NPSR1: variants seen among roughly 807,000 people sequenced by gnomAD.
The protein encoded by NPSR1 is neuropeptide S receptor.
In NPSR1, 48 loss-of-function variants were observed where a neutral mutation model predicts 46.9. The ratio of observed to expected loss-of-function variants is 1.02; its 90% CI spans 0.81 to 1.30. The LOEUF is 1.30. Ranked by LOEUF, NPSR1 falls within the 50% of genes most tolerant of loss-of-function variation. The pLI, the probability that NPSR1 is intolerant of heterozygous loss-of-function variation, is 0.00. For missense variants in NPSR1, 450 were observed against 449.5 expected (o/e 1.00, Z -0.01); for synonymous variants, 176 against 168.1 (o/e 1.05, Z -0.36).
chr7:34,807,334 T>C (rs1242056713), intron 3 of NPSR1, among the ~76,000 whole-genome samples: 1 of 152,096 alleles, frequency 6.6e-6, no homozygotes, highest in Non-Finnish European at 1.5e-5. Context: ...TATTCTTATG[T>C]TATGAAGTCT....
intron 3 of NPSR1, among the ~76,000 whole-genome samples, chr7:34,805,088 T>C (rs1788629562): frequency 6.6e-6 from 1 of 151,982 alleles, no homozygotes; most frequent in Non-Finnish European, 1.5e-5. Flanking sequence ...AGACTTAATA[T>C]TGTTAAGATG....
At chr7:34,834,264 C>A in intron 5 of NPSR1, 120 bp from the exon 6 acceptor site, 2 of 741,598 alleles carry the variant, frequency 2.7e-6, no homozygotes, top group Admixed American at 1.9e-5. Flanking sequence ...AGGGGGCAGG[C>A]ATGGTTAAAA....
chr7:34,812,139 G>A (rs149649480), intron 4 of NPSR1, among the ~76,000 whole-genome samples: 29 of 152,256 alleles, frequency 1.9e-4, no homozygotes, highest in African/African-American at 6.7e-4. Flanking sequence ...GACCCACTTT[G>A]TGACCATTCA....
intron 4 of NPSR1, among the ~76,000 whole-genome samples, chr7:34,824,483 A>G (rs894827166): frequency 3.9e-5 from 6 of 152,196 alleles, no homozygotes; most frequent in African/African-American, 1.4e-4. Flanking sequence ...CTGGAAGGCC[A>G]TCAGTCTCCC....
chr7:34,754,940 T>C (rs2128725935), intron 2 of NPSR1, among the ~76,000 whole-genome samples: 1 of 151,920 alleles, frequency 6.6e-6, no homozygotes, highest in Non-Finnish European at 1.5e-5. Context: ...GGTTCATTTT[T>C]GTTGTAGCAC....
intron 8 of NPSR1, chr7:34,849,242 C>T (rs1790852537): frequency 2.2e-6 from 2 of 893,688 alleles, no homozygotes; most frequent in East Asian, 5.3e-5. Context: ...TATATCTTGC[C>T]ATTGTTTATT....
chr7:34,689,938 C>T (rs1211711199), intron 2 of NPSR1, among the ~76,000 whole-genome samples: 19 of 149,980 alleles, frequency 1.3e-4, no homozygotes, highest in African/African-American at 4.2e-4. Context: ...AAGTGGGACC[C>T]TGTCTCTAAA....
Position 34,790,714 on chromosome 7 carries a change from A to G in NPSR1, c.384+12149A>G, listed in dbSNP as rs1454301046. On this transcript the variant is annotated intron_variant, in intron 3 of 8. Transcript: ENST00000360581. Reference sequence around the variant, plus strand: ...ATATAATATATGTTCTATGTTATATATAATATATGTTATATGTTATATGTT... The same window carrying G: ...ATATAATATATGTTCTATGTTATATGTAATATATGTTATATGTTATATGTT... Among the ~76,000 whole-genome samples, 3 of 134,082 alleles carry G rather than the reference A, an allele frequency of 2.2e-5. 1 individual carries two copies. The highest frequency in any genetic ancestry group is 8.8e-5 in the African/African-American group (3 of 34,006). 88.0% of individuals were successfully genotyped at this position (134,082 alleles called of 152,430 possible).
rs188991323 is a variant in NPSR1, at chr7:34,870,495, A to G, written c.1026-7581A>G. On this transcript the variant is annotated intron_variant, in intron 8 of 8. Transcript: ENST00000359791. ...GGGATATTTAGGTATAGTAATATGT[A>G]ACATTGAGATTTCCTTTTCTGAGCT... Among the ~76,000 whole-genome samples the G allele has an allele frequency of 1.0e-3, 158 of 151,908 alleles. 3 individuals carry two copies. Among genetic ancestry groups the G allele is most frequent in the African/African-American group, 3.6e-3 (150 of 41,178 alleles).
At chr7:34,750,592 C>A in intron 2 of NPSR1, 1 of 688,340 alleles carries the variant, frequency 1.5e-6, no homozygotes, top group Non-Finnish European at 2.7e-6. Flanking sequence ...AGGCCTGAAG[C>A]TTTTGCTCAA....
At chr7:34,671,305 TTA>T (rs1199108688) in intron 1 of NPSR1, among the ~76,000 whole-genome samples, 1 of 152,208 alleles carries the variant, frequency 6.6e-6, no homozygotes, top group Non-Finnish European at 1.5e-5. Context: ...GGTTTTTATT[TTA>T]TCTTTGTGTA....
chr7:34,874,636 G>A (rs770120692), intron 8 of NPSR1, among the ~76,000 whole-genome samples: 1 of 152,152 alleles, frequency 6.6e-6, no homozygotes, highest in Admixed American at 6.5e-5. Flanking sequence ...AAGCTGAAAG[G>A]GTTGGATCTT....
intron 2 of NPSR1, among the ~76,000 whole-genome samples, chr7:34,705,072 T>A (rs991162108): frequency 6.6e-6 from 1 of 152,186 alleles, no homozygotes; most frequent in African/African-American, 2.4e-5. Flanking sequence ...TTGTCTCTTT[T>A]TATATACATA....
chr7:34,794,649 A>G (rs1036068025), intron 3 of NPSR1, among the ~76,000 whole-genome samples: 11 of 152,166 alleles, frequency 7.2e-5, no homozygotes, highest in African/African-American at 2.4e-4. Flanking sequence ...AGTTGCATTG[A>G]AAATATAGAA....
intron 2 of NPSR1, chr7:34,750,584 G>A: frequency 4.3e-6 from 3 of 690,876 alleles, no homozygotes; most frequent in Admixed American, 1.9e-5. Flanking sequence ...GGCATGACAG[G>A]CCTGAAGCTT....
chr7:34,700,136 G>T (rs1793744885), intron 2 of NPSR1, among the ~76,000 whole-genome samples: 1 of 152,160 alleles, frequency 6.6e-6, no homozygotes, highest in African/African-American at 2.4e-5. Flanking sequence ...AGGTCAGAAA[G>T]ACATAGAGAC....
chr7:34,829,788 T>C (rs543743389), intron 5 of NPSR1, among the ~76,000 whole-genome samples: 1 of 152,320 alleles, frequency 6.6e-6, no homozygotes, highest in African/African-American at 2.4e-5. Context: ...AAATACAATG[T>C]GTTTGCTGAT....
rs557936862 is a variant in NPSR1, at chr7:34,869,077, A to G, written c.1026-8999A>G. On this transcript the variant is annotated intron_variant, in intron 8 of 8. Coordinates refer to the NPSR1 transcript ENST00000359791. ...GATGTTGCATGCACCACTCTATTTC[A>G]CATTTAAGTTCAAGGTTCTGGGGAA... Among the ~76,000 whole-genome samples, 59 of 151,814 alleles carry G rather than the reference A, an allele frequency of 3.9e-4. 1 individual carries two copies. In the South Asian group the frequency reaches 0.012, roughly 31 times the overall value.
chr7:34,838,442 C>G (rs1790452411), intron 6 of NPSR1, among the ~76,000 whole-genome samples: 1 of 152,198 alleles, frequency 6.6e-6, no homozygotes, highest in South Asian at 2.1e-4. Flanking sequence ...TATATGCTCT[C>G]TATATCTTAT....
Sources: gnomAD v4.1 joint callset for allele counts (sites outside exome capture counted in the v4.1 genomes callset) on GRCh38, gnomAD v4.1.1 for gene constraint, MANE v1.5 for transcripts, NCBI Gene and HGNC (gene_info 2026-07-23, HGNC 2026-07-21) for gene names.